Variants in DDX19A observed in about 807,000 individuals in gnomAD.
The protein encoded by DDX19A is ATP-dependent RNA helicase DDX19A.
DDX19A carries 12 observed loss-of-function variants against 60.6 expected under a neutral mutation model. That is an observed-to-expected ratio of 0.20 (90% CI 0.13 to 0.32). The LOEUF is 0.32. Among genes scored for constraint, DDX19A ranks in the 10% least tolerant of loss-of-function variants. The pLI is 1.00. For synonymous variants in DDX19A, 206 were observed against 218.2 expected, an observed-to-expected ratio of 0.94 and a Z score of 0.49; for missense variants, 337 against 600.6, an observed-to-expected ratio of 0.56 and a Z score of 4.59.
Position 70,364,543 on chromosome 16 carries a change from C to T in DDX19A, c.387C>T (p.Pro129=). 1 of 1,610,122 alleles carries T rather than the reference C, an allele frequency of 6.2e-7. No individual in the cohort carries two copies. Among genetic ancestry groups the T allele is most frequent in the African/African-American group, 1.3e-5 (1 of 74,960 alleles). ...TCATTTCTGTTCTTCCTTGATCCAG[C>T]CCACAGAATCTGATTGCCCAGTCTC... is the stretch of plus-strand genomic sequence containing the variant. The part of the protein sequence containing the change: ...ENALPMMLAE[P]PQNLIAQSQS... The change falls in exon 6 of 12, where the codon CCC becomes CCT. Residue 129 remains proline (P), a splice_region_variant and synonymous_variant. Transcript: ENST00000302243.
intron 4 of DDX19A, among the ~76,000 whole-genome samples, chr16:70,360,325 T>TTTCTTTC (rs1567653401): frequency 2.1e-5 from 1 of 47,290 alleles, no homozygotes; most frequent in African/African-American, 1.6e-4. Flanking sequence ...TTCTTTCTTT[T>TTTCTTTC]TTTTTTTTTT....
Position 70,364,662 on chromosome 16 carries a change from C to G in DDX19A, c.489+17C>G, listed in dbSNP as rs753252272. ...TACCCCCAGGTGAGGGCTTGCGGGG[C>G]TGGGTGTCCTAGGTTGCCTGCCCTG... On this transcript the variant is annotated intron_variant, in intron 6 of 11. Transcript: ENST00000302243. 1 of 1,602,100 alleles carries G rather than the reference C, an allele frequency of 6.2e-7. No homozygotes were observed. Among genetic ancestry groups the G allele is most frequent in the South Asian group, 1.1e-5 (1 of 90,858 alleles).
In DDX19A at chr16:70,372,247, C is replaced by T; in HGVS notation, c.*261C>T. 1 of 582,726 alleles carries T rather than the reference C, an allele frequency of 1.7e-6. No individual in the cohort carries two copies. Among genetic ancestry groups the T allele is most frequent in the Non-Finnish European group, 3.0e-6 (1 of 331,232 alleles). The allele number at this position is 582,726 out of a possible 1,614,324, so 36.1% of individuals were successfully genotyped here. A position where few individuals can be genotyped will look rare whatever the true frequency, so the allele number is the denominator to read the frequency against. Reference sequence around the variant, plus strand: ...CACATTCCCCCATCTTTATAATAATCTGGTCACAGTGGTAGTCGCTGGCCC... The same window carrying T: ...CACATTCCCCCATCTTTATAATAATTTGGTCACAGTGGTAGTCGCTGGCCC... On this transcript the variant is annotated 3_prime_UTR_variant, in exon 12 of 12. Coordinates refer to ENST00000302243, the MANE Select transcript of DDX19A (RefSeq NM_018332.5).
chr16:70,350,360 T>G (rs981089335), intron 1 of DDX19A, among the ~76,000 whole-genome samples, 197 bp from the exon 2 acceptor site: 10 of 152,202 alleles, frequency 6.6e-5, no homozygotes, highest in Admixed American at 6.6e-4. Flanking sequence ...CCCCTTGTTT[T>G]AAGGCTGTTG....
chr16:70,354,755 C>T (rs1408516150), intron 2 of DDX19A, among the ~76,000 whole-genome samples: 1 of 151,958 alleles, frequency 6.6e-6, no homozygotes, highest in African/African-American at 2.4e-5. Flanking sequence ...ACAGGCTGGG[C>T]AACATGGCAA....
At chr16:70,354,018 A>G (rs577064439) in intron 2 of DDX19A, among the ~76,000 whole-genome samples, 1 of 151,848 alleles carries the variant, frequency 6.6e-6, no homozygotes, top group South Asian at 2.1e-4. Context: ...CTGGGATTAT[A>G]GGCTAATTTT....
At chr16:70,351,369 C>A (rs752266925) in intron 2 of DDX19A, among the ~76,000 whole-genome samples, 4 of 151,492 alleles carry the variant, frequency 2.6e-5, no homozygotes, top group Non-Finnish European at 5.9e-5. Context: ...CCACACCTGG[C>A]TAATTTTTTA....
At chr16:70,368,656 C>T (rs1024174500) in intron 9 of DDX19A, among the ~76,000 whole-genome samples, 5 of 151,874 alleles carry the variant, frequency 3.3e-5, no homozygotes, top group South Asian at 2.1e-4. Flanking sequence ...AAGCAATTCT[C>T]CTACCTCAAC....
chr16:70,350,942 A>G (rs543139806), intron 2 of DDX19A, among the ~76,000 whole-genome samples: 2 of 151,614 alleles, frequency 1.3e-5, no homozygotes, highest in East Asian at 1.9e-4. Flanking sequence ...CAGTGGCACA[A>G]TCTTGGCTCA....
At chr16:70,350,912 C>G (rs953006528) in intron 2 of DDX19A, among the ~76,000 whole-genome samples, 2 of 151,630 alleles carry the variant, frequency 1.3e-5, no homozygotes, top group African/African-American at 4.8e-5. Flanking sequence ...GAGTCTCGCT[C>G]TGTCGCCCAG....
chr16:70,365,255 CTCTATTTGAA>C (rs1964485573), intron 7 of DDX19A, 124 bp downstream of exon 7: 1 of 612,114 alleles, frequency 1.6e-6, no homozygotes, highest in Non-Finnish European at 2.9e-6. Flanking sequence ...AACTGTGTTG[CTCTATTTGAA>C]TCTATTTGAA....
intron 2 of DDX19A, among the ~76,000 whole-genome samples, chr16:70,351,823 C>T (rs1432061524): frequency 3.9e-5 from 6 of 151,930 alleles, no homozygotes; most frequent in Non-Finnish European, 7.4e-5. Context: ...CCACCACGCC[C>T]GGCCAATTTT....
intron 6 of DDX19A, 143 bp from the exon 7 acceptor site, chr16:70,364,874 A>G: frequency 1.4e-6 from 1 of 710,466 alleles, no homozygotes; most frequent in Non-Finnish European, 2.4e-6. Context: ...TGCAGGCTTC[A>G]GTCTATGGCT....
At chr16:70,349,901 C>CT (rs545792129) in intron 1 of DDX19A, among the ~76,000 whole-genome samples, 1 of 152,142 alleles carries the variant, frequency 6.6e-6, no homozygotes, top group African/African-American at 2.4e-5. Flanking sequence ...TGGAGAAGAC[C>CT]TTTTTTTTCA....
chr16:70,362,013 C>T (rs7202407), intron 5 of DDX19A, among the ~76,000 whole-genome samples: 10 of 149,720 alleles, frequency 6.7e-5, no homozygotes, highest in East Asian at 2.0e-4. Flanking sequence ...TTACTAAAAT[C>T]AAAAAAAAAA....
In DDX19A at chr16:70,359,748, C is replaced by CAGGCCTGGGTGGTGGGAGGA. The variant is rs1439876319; in HGVS notation, c.294-1670_294-1669insAGGCCTGGGTGGTGGGAGGA. 7.2e-5 allele frequency among the ~76,000 whole-genome samples: 11 copies of CAGGCCTGGGTGGTGGGAGGA among 152,118 alleles called. No individual in the cohort carries two copies. The East Asian group carries it at 2.1e-3, about 29-fold the overall frequency. ...TGGCATGTGCCTGCAGCCCCAGCTA[C>CAGGCCTGGGTGGTGGGAGGA]TCAAGGGTGGGAGGATCTCTTGAGG... On this transcript the variant is annotated intron_variant, in intron 4 of 11. Transcript: ENST00000302243.
chr16:70,362,626 A>G (rs576776633), intron 5 of DDX19A, among the ~76,000 whole-genome samples: 4 of 152,092 alleles, frequency 2.6e-5, no homozygotes, highest in Admixed American at 1.3e-4. Context: ...TTCCCCATCT[A>G]GAGTGCAGTG....
At position 70,366,078 on chromosome 16, in the gene DDX19A, T is replaced by C. The variant is rs758301632; in HGVS notation, c.605-7T>C. The C allele has an allele frequency of 6.2e-7, 1 of 1,614,148 alleles. No homozygotes were observed. Among genetic ancestry groups the C allele is most frequent in the South Asian group, 1.1e-5 (1 of 91,078 alleles). ...AATACCTATGAAAATCACCTGGGTC[T>C]CCACAGTGGAAAGAGGCCAGAAGAT... On this transcript the variant is annotated splice_polypyrimidine_tract_variant and splice_region_variant and intron_variant, in intron 7 of 11. Transcript: ENST00000302243.
intron 9 of DDX19A, among the ~76,000 whole-genome samples, chr16:70,369,619 T>C (rs1185572596): frequency 6.7e-6 from 1 of 149,408 alleles, no homozygotes; most frequent in African/African-American, 2.5e-5. Context: ...TTTCTTTTCT[T>C]CTTTTTTTTT....
Sources: allele counts gnomAD v4.1 joint callset (sites outside exome capture counted in the v4.1 genomes callset), GRCh38; gene constraint gnomAD v4.1.1; transcripts MANE v1.5; gene names NCBI Gene and HGNC (gene_info 2026-07-23, HGNC 2026-07-21).